GPC3: variants seen among roughly 807,000 people sequenced by gnomAD.
GPC3 encodes glypican 3.
A neutral mutation model predicts 34.4 loss-of-function variants in GPC3; 3 were observed. The observed-to-expected ratio is 0.09, with a 90% CI of 0.04 to 0.23. The LOEUF is 0.23. GPC3 is among the 10% of genes least tolerant of loss of function. The probability of loss-of-function intolerance (pLI) is 1.00; values close to 1 mark genes in which losing one functional copy is unlikely to be tolerated. For missense variants in GPC3, 351 were observed against 445.6 expected, an observed-to-expected ratio of 0.79 and a Z score of 1.91; for synonymous variants, 177 against 174.0, an observed-to-expected ratio of 1.02 and a Z score of -0.13.
chrX:133,933,530 A>C (rs2076307744), intron 2 of GPC3, among the ~76,000 whole-genome samples: 1 of 111,025 alleles, frequency 9.0e-6, no homozygotes, highest in Admixed American at 9.6e-5. Flanking sequence ...GGATATTTGT[A>C]CCGGACCAAA....
chrX:133,653,196 T>C (rs2070619726), intron 6 of GPC3, among the ~76,000 whole-genome samples: 1 of 112,115 alleles, frequency 8.9e-6, no homozygotes, highest in Non-Finnish European at 1.9e-5. Context: ...ATTTTTGCAG[T>C]TGGACCCCTT....
chrX:133,918,412 C>T (rs1264355609), intron 2 of GPC3, among the ~76,000 whole-genome samples: 1 of 112,249 alleles, frequency 8.9e-6, no homozygotes, highest in Non-Finnish European at 1.9e-5. Flanking sequence ...AGCAAGAGTT[C>T]ATATCACTTG....
rs555039597 is a variant in GPC3, at chrX:133,573,225, C to T, written c.1573+23215G>A. Among the ~76,000 whole-genome samples, 25 of 111,760 alleles carry T rather than the reference C, an allele frequency of 2.2e-4. No individual in the cohort carries two copies. The South Asian group carries it at 4.9e-3, about 22-fold the overall frequency. On this transcript the variant is annotated intron_variant, in intron 7 of 7. Coordinates refer to ENST00000370818, the MANE Select transcript of GPC3 (RefSeq NM_004484.4). The stretch of plus-strand genomic sequence containing the variant: ...ATTCAGCATCCTTTCATGATGAAAA[C>T]ACTTAAACTAGAAATAGAAGGAAAC...
At chrX:133,564,967 G>T (rs1022876838) in intron 7 of GPC3, among the ~76,000 whole-genome samples, 18 of 112,121 alleles carry the variant, frequency 1.6e-4, no homozygotes, top group African/African-American at 5.5e-4. Flanking sequence ...ATAGAAATAT[G>T]CTAGTAATAA....
chrX:133,856,204 A>G, intron 2 of GPC3, among the ~76,000 whole-genome samples: 1 of 111,670 alleles, frequency 9.0e-6, no homozygotes, highest in South Asian at 3.8e-4. Context: ...ACTGTTTTCC[A>G]TAATGGATGT....
At chrX:133,690,173 G>A (rs759509647) in intron 5 of GPC3, among the ~76,000 whole-genome samples, 3 of 111,303 alleles carry the variant, frequency 2.7e-5, no homozygotes, top group Non-Finnish European at 3.8e-5. Context: ...AGGGTGGCAC[G>A]CAACCTTATT....
intron 1 of GPC3, among the ~76,000 whole-genome samples, chrX:133,960,842 T>C (rs2076438429): frequency 9.0e-6 from 1 of 111,265 alleles, no homozygotes; most frequent in African/African-American, 3.3e-5. Flanking sequence ...ATTAAAATCA[T>C]CCAAAGGATT....
At chrX:133,829,287 T>C (rs1378093003) in intron 2 of GPC3, among the ~76,000 whole-genome samples, 1 of 112,306 alleles carries the variant, frequency 8.9e-6, no homozygotes, top group Non-Finnish European at 1.9e-5. Flanking sequence ...TAAGCATATA[T>C]GAATTTGATA....
In GPC3 at chrX:133,837,366, C is replaced by T. The variant is rs116619946; in HGVS notation, c.338-83190G>A. 9.9e-3 allele frequency among the ~76,000 whole-genome samples: 1,109 copies of T among 111,800 alleles called. 24 individuals carry two copies. Among genetic ancestry groups the T allele is most frequent in the African/African-American group, 0.035 (1,062 of 30,762 alleles). ...CAAGTAAGGTAAAAAATCCCAGATG[C>T]TTCACAGTTTTTAACAGTCTATAGT... On this transcript the variant is annotated intron_variant, in intron 2 of 7. Coordinates refer to ENST00000370818, the MANE Select transcript of GPC3 (RefSeq NM_004484.4).
chrX:133,955,001 G>A (rs978807856), intron 1 of GPC3, among the ~76,000 whole-genome samples: 4 of 110,228 alleles, frequency 3.6e-5, no homozygotes, highest in Admixed American at 9.7e-5. Context: ...CATCCACCTC[G>A]GCCTCCCAAA....
chrX:133,722,874 T>C (rs2071380713), intron 3 of GPC3, among the ~76,000 whole-genome samples: 2 of 111,488 alleles, frequency 1.8e-5, no homozygotes, highest in African/African-American at 6.5e-5. Flanking sequence ...TCAGGTGAAT[T>C]GAGAAGAGTC....
At chrX:133,818,036 G>A (rs2075700875) in intron 2 of GPC3, among the ~76,000 whole-genome samples, 1 of 111,326 alleles carries the variant, frequency 9.0e-6, no homozygotes, top group South Asian at 3.8e-4. Flanking sequence ...ATCATGTCAA[G>A]TTTGGAACAG....
chrX:133,750,682 A>T (rs73564926), intron 3 of GPC3, among the ~76,000 whole-genome samples: 2,830 of 112,226 alleles, frequency 0.025, 92 homozygotes, highest in African/African-American at 0.086. Context: ...GCAGATGTTT[A>T]ATAAATGTTT....
chrX:133,755,714 G>A (rs180813285), intron 2 of GPC3, among the ~76,000 whole-genome samples: 1 of 111,273 alleles, frequency 9.0e-6, no homozygotes, highest in East Asian at 2.8e-4. Context: ...ATGTTCACTT[G>A]GTTTTTTTGT....
chrX:133,602,303 A>G (rs748552821), intron 6 of GPC3, among the ~76,000 whole-genome samples: 1 of 111,723 alleles, frequency 9.0e-6, no homozygotes, highest in Admixed American at 9.5e-5. Flanking sequence ...ATACAAAATT[A>G]CAGCTAGATA....
chrX:133,923,918 G>A (rs1479665955), intron 2 of GPC3, among the ~76,000 whole-genome samples: 1 of 111,802 alleles, frequency 8.9e-6, no homozygotes, highest in Non-Finnish European at 1.9e-5. Context: ...CCAGGTACGT[G>A]AGGAAATGGC....
intron 2 of GPC3, among the ~76,000 whole-genome samples, chrX:133,819,121 A>C (rs931406525): frequency 4.0e-5 from 4 of 100,067 alleles, no homozygotes; most frequent in Admixed American, 1.1e-4. Context: ...TTAGGTATAT[A>C]TCCTAATGCT....
chrX:133,736,370 G>A (rs759723865), intron 3 of GPC3, among the ~76,000 whole-genome samples: 105 of 111,923 alleles, frequency 9.4e-4, no homozygotes, highest in African/African-American at 3.3e-3. Context: ...TGATTCTACT[G>A]CTAGGTATAT....
chrX:133,765,308 A>G (rs2071835203), intron 2 of GPC3, among the ~76,000 whole-genome samples: 1 of 111,907 alleles, frequency 8.9e-6, no homozygotes, highest in Non-Finnish European at 1.9e-5. Flanking sequence ...GCGTATCACC[A>G]TAATTCCACA....
Sources: allele counts gnomAD v4.1 joint callset (sites outside exome capture counted in the v4.1 genomes callset), GRCh38; gene constraint gnomAD v4.1.1; transcripts MANE v1.5; gene names NCBI Gene and HGNC (gene_info 2026-07-23, HGNC 2026-07-21).